The following FGF12 variants were observed in gnomAD, a reference collection of about 807,000 sequenced individuals.
FGF12 encodes the protein fibroblast growth factor 12B.
In FGF12, 14 loss-of-function variants were observed where a neutral mutation model predicts 23.6. That is an observed-to-expected ratio of 0.59 (90% CI 0.39 to 0.93). The LOEUF (loss-of-function observed/expected upper bound fraction) is 0.93. Ranked by LOEUF, FGF12 falls within the 40% of genes least tolerant of loss-of-function variation. The pLI is 0.00. For missense variants in FGF12, 175 were observed against 217.8 expected (o/e 0.80, Z 1.24); for synonymous variants, 62 against 77.3 (o/e 0.80, Z 1.04).
At chr3:192,401,461 C>A (rs1720756270) in intron 2 of FGF12, among the ~76,000 whole-genome samples, 1 of 152,132 alleles carries the variant, frequency 6.6e-6, no homozygotes, top group Non-Finnish European at 1.5e-5. Context: ...TTATGAAAAT[C>A]GTTTTGACCT....
intron 5 of FGF12, among the ~76,000 whole-genome samples, chr3:192,148,470 T>C (rs1364716720): frequency 5.9e-5 from 9 of 152,188 alleles, no homozygotes; most frequent in African/African-American, 1.9e-4. Context: ...GATTTCTTAT[T>C]TAATGAGTAC....
chr3:192,520,111 C>T (rs1024949425), intron 2 of FGF12, among the ~76,000 whole-genome samples: 22 of 152,294 alleles, frequency 1.4e-4, no homozygotes, highest in Middle Eastern at 3.4e-3. Flanking sequence ...TGTTATTGCT[C>T]TCAGGTCCTC....
intron 2 of FGF12, among the ~76,000 whole-genome samples, chr3:192,686,150 G>A (rs1717724368): frequency 6.6e-6 from 1 of 152,160 alleles, no homozygotes; most frequent in South Asian, 2.1e-4. Flanking sequence ...AGTCAGTAGA[G>A]AGGATGAAAA....
intron 4 of FGF12, among the ~76,000 whole-genome samples, chr3:192,283,281 T>C (rs185869334): frequency 3.9e-5 from 6 of 152,256 alleles, no homozygotes; most frequent in Admixed American, 1.3e-4. Context: ...AATAACAGTA[T>C]GAAAAGTTCT....
chr3:192,290,928 C>T (rs1714723270), intron 4 of FGF12, among the ~76,000 whole-genome samples: 1 of 152,090 alleles, frequency 6.6e-6, no homozygotes, highest in African/African-American at 2.4e-5. Context: ...ATATAACATA[C>T]ATGTATATAC....
chr3:192,616,827 C>T (rs1020351637), intron 2 of FGF12, among the ~76,000 whole-genome samples: 1 of 151,660 alleles, frequency 6.6e-6, no homozygotes, highest in Non-Finnish European at 1.5e-5. Context: ...TTGTGATCAA[C>T]TTGTATCATC....
At chr3:192,348,585 G>A (rs187989040) in intron 3 of FGF12, among the ~76,000 whole-genome samples, 153 of 152,184 alleles carry the variant, frequency 1.0e-3, no homozygotes, top group African/African-American at 3.5e-3. Flanking sequence ...ACTAAACCAC[G>A]TTGCCTTCTT....
At chr3:192,455,603 A>C (rs553695612) in intron 2 of FGF12, among the ~76,000 whole-genome samples, 1 of 152,184 alleles carries the variant, frequency 6.6e-6, no homozygotes, top group African/African-American at 2.4e-5. Context: ...TAACTTTTTT[A>C]TTTAACATTA....
intron 2 of FGF12, among the ~76,000 whole-genome samples, chr3:192,458,088 G>A (rs886736639): frequency 1.3e-5 from 2 of 152,208 alleles, no homozygotes; most frequent in African/African-American, 4.8e-5. Flanking sequence ...CTGAGGTTTG[G>A]GAATCTCTGT....
chr3:192,664,335 T>G (rs1457996147), intron 2 of FGF12, among the ~76,000 whole-genome samples: 2 of 152,058 alleles, frequency 1.3e-5, no homozygotes, highest in Non-Finnish European at 2.9e-5. Flanking sequence ...ACATGCCAAA[T>G]GAGTGAAACT....
intron 5 of FGF12, among the ~76,000 whole-genome samples, chr3:192,161,198 G>A (rs1348693455): frequency 1.3e-5 from 2 of 151,986 alleles, no homozygotes; most frequent in Non-Finnish European, 2.9e-5. Flanking sequence ...ACCACCAACA[G>A]CAGGAACGTT....
At chr3:192,300,558 A>G (rs1715284776) in intron 4 of FGF12, among the ~76,000 whole-genome samples, 1 of 152,158 alleles carries the variant, frequency 6.6e-6, no homozygotes, top group Non-Finnish European at 1.5e-5. Context: ...GGCGGTCATG[A>G]GAAGTAAGAG....
chr3:192,302,044 G>C (rs1465209661), intron 4 of FGF12, among the ~76,000 whole-genome samples: 2 of 152,182 alleles, frequency 1.3e-5, no homozygotes, highest in Non-Finnish European at 2.9e-5. Flanking sequence ...AATCCAAAAT[G>C]TACAACTGAG....
At position 192,334,725 on chromosome 3, in the gene FGF12, T is replaced by A. The variant is rs535676749; in HGVS notation, c.228+636A>T. ...TACAACATTGTGTCCAACATGCTCA[T>A]TTGAAAAGTCCAAAATTAAGCCAAT... is the stretch of plus-strand genomic sequence containing the variant. On this transcript the variant is annotated intron_variant, in intron 4 of 5. Coordinates refer to ENST00000445105, the MANE Select transcript of FGF12 (RefSeq NM_004113.6). Among the ~76,000 whole-genome samples the A allele has an allele frequency of 6.4e-4, 98 of 152,244 alleles. 1 individual carries two copies. The highest frequency in any genetic ancestry group is 1.2e-3 in the Non-Finnish European group (80 of 68,004).
At chr3:192,635,611 A>G (rs1715549066) in intron 2 of FGF12, among the ~76,000 whole-genome samples, 1 of 152,226 alleles carries the variant, frequency 6.6e-6, no homozygotes, top group Admixed American at 6.5e-5. Context: ...GACACCGTGT[A>G]TACATTAATC....
At chr3:192,244,909 T>G (rs1357719399) in intron 4 of FGF12, 2 of 152,190 alleles carry the variant, frequency 1.3e-5, no homozygotes, top group Non-Finnish European at 2.9e-5. Flanking sequence ...GGTTATCTTC[T>G]CTATACAGAC....
chr3:192,268,266 C>T (rs1173431440), intron 4 of FGF12, among the ~76,000 whole-genome samples: 1 of 152,168 alleles, frequency 6.6e-6, no homozygotes, highest in Non-Finnish European at 1.5e-5. Context: ...CCACGAAGAG[C>T]TCATCCTTCA....
intron 2 of FGF12, among the ~76,000 whole-genome samples, chr3:192,558,506 C>A (rs545396283): frequency 6.6e-6 from 1 of 151,800 alleles, no homozygotes; most frequent in South Asian, 2.1e-4. Flanking sequence ...TCGAGACCAC[C>A]CAAAGTGACC....
intron 2 of FGF12, among the ~76,000 whole-genome samples, chr3:192,392,890 A>T (rs1327489018): frequency 6.6e-6 from 1 of 152,160 alleles, no homozygotes; most frequent in East Asian, 1.9e-4. Flanking sequence ...ATGACCTTTA[A>T]AGTTTTCTAC....
Sources: allele counts gnomAD v4.1 joint callset (sites outside exome capture counted in the v4.1 genomes callset), GRCh38; gene constraint gnomAD v4.1.1; transcripts MANE v1.5; gene names NCBI Gene and HGNC (gene_info 2026-07-23, HGNC 2026-07-21).